The following SHISA6 variants were observed in gnomAD, a reference collection of about 807,000 sequenced individuals.
The protein encoded by SHISA6 is protein shisa-6.
SHISA6 carries 22 observed loss-of-function variants against 47.9 expected under a neutral mutation model. The ratio of observed to expected loss-of-function variants is 0.46; its 90% CI spans 0.33 to 0.66. SHISA6 has a LOEUF of 0.66. SHISA6 is among the 30% of genes least tolerant of loss of function. The pLI, the probability that SHISA6 is intolerant of heterozygous loss-of-function variation, is 0.02. For synonymous variants in SHISA6, 388 were observed against 337.8 expected, an observed-to-expected ratio of 1.15 and a Z score of -1.63; for missense variants, 680 against 764.6, an observed-to-expected ratio of 0.89 and a Z score of 1.30.
intron 3 of SHISA6, among the ~76,000 whole-genome samples, chr17:11,466,516 G>T (rs1290616942): frequency 6.6e-6 from 1 of 152,106 alleles, no homozygotes; most frequent in East Asian, 1.9e-4. Flanking sequence ...GACATCCTCA[G>T]GGCTTACTGT....
At chr17:11,276,122 C>G (rs1908879158) in intron 2 of SHISA6, among the ~76,000 whole-genome samples, 1 of 152,168 alleles carries the variant, frequency 6.6e-6, no homozygotes. Flanking sequence ...GAATTACAGG[C>G]TCGTGCCACC....
chr17:11,556,639 C>T (rs987448468), intron 5 of SHISA6, among the ~76,000 whole-genome samples: 1 of 152,072 alleles, frequency 6.6e-6, no homozygotes, highest in Non-Finnish European at 1.5e-5. Flanking sequence ...GACAGAAGTG[C>T]AGCCCAAGTC....
Position 11,561,085 on chromosome 17 carries a change from CA to C in SHISA6, c.*2784del, listed in dbSNP as rs952882632. The C allele has an allele frequency of 2.0e-5, 3 of 152,144 alleles. No individual in the cohort carries two copies. Among genetic ancestry groups the C allele is most frequent in the Admixed American group, 6.5e-5 (1 of 15,274 alleles). 9.4% of individuals were successfully genotyped at this position (152,144 alleles called of 1,614,324 possible). On this transcript the variant is annotated 3_prime_UTR_variant, in exon 6 of 6. Transcript: ENST00000441885. ...GTCCCATCCATCTTCATGGAACAAG[CA>C]AAGCCACATCAATAGGCAAGTTCAC...
At chr17:11,398,720 G>A (rs976486699) in intron 3 of SHISA6, among the ~76,000 whole-genome samples, 16 of 151,992 alleles carry the variant, frequency 1.1e-4, no homozygotes, top group Non-Finnish European at 2.2e-4. Context: ...AGCCTCCCAA[G>A]TAGCTGGGAC....
At chr17:11,482,899 GTAAC>G (rs1421354043) in intron 3 of SHISA6, among the ~76,000 whole-genome samples, 2 of 152,002 alleles carry the variant, frequency 1.3e-5, no homozygotes, top group African/African-American at 4.8e-5. Context: ...AAAATCAAAA[GTAAC>G]TACTTATAGA....
intron 2 of SHISA6, among the ~76,000 whole-genome samples, chr17:11,377,334 G>A (rs1912838864): frequency 6.6e-6 from 1 of 152,148 alleles, no homozygotes; most frequent in African/African-American, 2.4e-5. Flanking sequence ...TGCTCCTCCT[G>A]GAAAGCTGTG....
intron 2 of SHISA6, among the ~76,000 whole-genome samples, chr17:11,277,241 T>TTCTCTCTCTCTCTCTCTCTCTC (rs139388009): frequency 5.1e-5 from 4 of 78,158 alleles, no homozygotes; most frequent in African/African-American, 1.8e-4. Flanking sequence ...CGGTTTCTCT[T>TTCTCTCTCTCTCTCTCTCTCTC]TCTCTCTCTC....
chr17:11,324,297 G>A (rs1910804351), intron 2 of SHISA6, among the ~76,000 whole-genome samples: 1 of 152,082 alleles, frequency 6.6e-6, no homozygotes, highest in African/African-American at 2.4e-5. Flanking sequence ...CCTTTCCCCC[G>A]TAACACAGCA....
intron 2 of SHISA6, among the ~76,000 whole-genome samples, chr17:11,293,133 G>T (rs1242116630): frequency 6.6e-6 from 1 of 151,974 alleles, no homozygotes. Context: ...CCTCCAGATT[G>T]ATATTTTTGA....
At chr17:11,543,108 T>C (rs1226778373) in intron 3 of SHISA6, among the ~76,000 whole-genome samples, 3 of 152,172 alleles carry the variant, frequency 2.0e-5, no homozygotes, top group Non-Finnish European at 2.9e-5. Flanking sequence ...CAGGAAGACA[T>C]TTAAAACATT....
chr17:11,482,050 C>T (rs1052818351), intron 3 of SHISA6, among the ~76,000 whole-genome samples: 1 of 151,952 alleles, frequency 6.6e-6, no homozygotes, highest in African/African-American at 2.4e-5. Context: ...TAAGAACTAA[C>T]ATAGATAATG....
At chr17:11,409,459 G>A (rs1320117469) in intron 3 of SHISA6, among the ~76,000 whole-genome samples, 1 of 152,082 alleles carries the variant, frequency 6.6e-6, no homozygotes, top group African/African-American at 2.4e-5. Flanking sequence ...GCTCACGCCT[G>A]TAATCCCAGG....
intron 3 of SHISA6, among the ~76,000 whole-genome samples, chr17:11,472,083 C>T (rs888344701): frequency 6.6e-5 from 10 of 152,152 alleles, no homozygotes; most frequent in South Asian, 2.1e-4. Context: ...TCCTCTGTGC[C>T]GCACCTGTTC....
intron 1 of SHISA6, among the ~76,000 whole-genome samples, chr17:11,249,376 CT>C (rs907886508): frequency 3.9e-5 from 6 of 152,010 alleles, no homozygotes; most frequent in African/African-American, 1.4e-4. Context: ...GGTTGGCCCC[CT>C]GCATAGAATA....
At chr17:11,316,329 C>CTTTTTTTT (rs66540376) in intron 2 of SHISA6, among the ~76,000 whole-genome samples, 2 of 103,672 alleles carry the variant, frequency 1.9e-5, no homozygotes, top group Non-Finnish European at 3.6e-5. Flanking sequence ...ATTTTCAGGT[C>CTTTTTTTT]TTTTTTTTTT....
At chr17:11,277,280 T>TCTCTCTCTCTCTCACACACACACA (rs1386997909) in intron 2 of SHISA6, among the ~76,000 whole-genome samples, 3 of 53,856 alleles carry the variant, frequency 5.6e-5, no homozygotes, top group Admixed American at 2.8e-4. Context: ...TCTCTCTCTC[T>TCTCTCTCTCTCTCACACACACACA]CACACACACA....
intron 2 of SHISA6, among the ~76,000 whole-genome samples, chr17:11,362,067 T>G (rs1912307537): frequency 1.3e-5 from 2 of 152,102 alleles, no homozygotes; most frequent in African/African-American, 4.8e-5. Context: ...TTCTTTTCAT[T>G]TTCTCATCAT....
intron 3 of SHISA6, among the ~76,000 whole-genome samples, chr17:11,434,004 A>AAC (rs1373847620): frequency 6.6e-6 from 1 of 152,054 alleles, no homozygotes; most frequent in Non-Finnish European, 1.5e-5. Context: ...GCATGCCCAG[A>AAC]ACCACATGCG....
chr17:11,357,031 C>A (rs1008876018), intron 2 of SHISA6, among the ~76,000 whole-genome samples: 9 of 151,580 alleles, frequency 5.9e-5, no homozygotes, highest in Non-Finnish European at 1.0e-4. Flanking sequence ...ACAACAACAA[C>A]AAAAATAGCT....
Sources: allele counts gnomAD v4.1 joint callset (sites outside exome capture counted in the v4.1 genomes callset), GRCh38; gene constraint gnomAD v4.1.1; transcripts MANE v1.5; gene names NCBI Gene and HGNC (gene_info 2026-07-23, HGNC 2026-07-21).